PRRC2C: variants seen among roughly 807,000 people sequenced by gnomAD.
PRRC2C encodes the protein protein PRRC2C.
Under a neutral mutation model 317.2 loss-of-function variants are expected in PRRC2C, and 72 were observed. The observed-to-expected ratio is 0.23, with a 90% CI of 0.19 to 0.28. PRRC2C has a LOEUF of 0.28. Among genes scored for constraint, PRRC2C ranks in the 10% least tolerant of loss-of-function variants. The probability of loss-of-function intolerance (pLI) is 1.00; values close to 1 mark genes in which losing one functional copy is unlikely to be tolerated. For synonymous variants in PRRC2C, 1,296 were observed against 1,205.9 expected (o/e 1.07, Z -1.55); for missense variants, 3,074 against 3,459.7 (o/e 0.89, Z 2.80).
Position 171,540,664 on chromosome 1 carries a change from A to C in PRRC2C, c.3198A>C (p.Pro1066=), listed in dbSNP as rs1158848321. The C allele has an allele frequency of 3.7e-6, 6 of 1,613,714 alleles. No individual in the cohort carries two copies. In the South Asian group the frequency reaches 6.6e-5, roughly 18 times the overall value. The change falls in exon 16 of 35, where the codon CCA becomes CCC. Residue 1066 remains proline (P), a synonymous_variant. Transcript: ENST00000647382. ...EKKDLPPPPP[P]PQPPAPIQPQ... ...AGGATCTTCCTCCTCCCCCACCACC[A>C]CCTCAGCCACCAGCACCAATTCAGC...
chr1:171,527,889 CTTTTG>C (rs1674951830), intron 11 of PRRC2C, 45 bp downstream of exon 11: 4 of 1,501,024 alleles, frequency 2.7e-6, no homozygotes, highest in South Asian at 1.2e-5. Context: ...TTTATTTGAC[CTTTTG>C]TTTTGGTGGA....
chr1:171,525,822 A>T (rs2102369531), intron 10 of PRRC2C, among the ~76,000 whole-genome samples: 1 of 152,298 alleles, frequency 6.6e-6, no homozygotes, highest in South Asian at 2.1e-4. Flanking sequence ...GTGGAAACAC[A>T]TGTAGAGAAG....
At chr1:171,580,015 G>A (rs1201343412) in intron 28 of PRRC2C, 51 bp downstream of exon 28, 5 of 1,387,672 alleles carry the variant, frequency 3.6e-6, no homozygotes, top group Non-Finnish European at 3.8e-6. Context: ...CATTGTAACT[G>A]CTGATCCTCC....
In PRRC2C at chr1:171,522,248, T is replaced by C. The variant is rs368760802; in HGVS notation, c.822T>C (p.Ser274=). 34 of 1,574,286 alleles carry C rather than the reference T, an allele frequency of 2.2e-5. No homozygotes were observed. The South Asian group carries it at 3.7e-4, about 17-fold the overall frequency. Residue 274 remains serine (S), a synonymous_variant, in exon 7 of 35, where the codon TCT becomes TCC. Coordinates refer to ENST00000647382, the MANE Select transcript of PRRC2C (RefSeq NM_001387844.1). ...CCATGAGATTCCCACCTTCTTTATC[T>C]GAAACAAACAAGTAAGGCTATTAAA... ...HGPMRFPPSL[S]ETNKGLRGRG...
intron 2 of PRRC2C, 186 bp from the exon 3 acceptor site, chr1:171,512,809 T>C (rs1671628895): frequency 2.0e-6 from 1 of 505,846 alleles, no homozygotes; most frequent in Non-Finnish European, 3.3e-6. Context: ...TGCTGTTAAA[T>C]GGCTTGATTT....
At position 171,557,911 on chromosome 1, in the gene PRRC2C, G is replaced by T. The variant is rs771209660; in HGVS notation, c.5799G>T (p.Gln1933His). The T allele has an allele frequency of 3.6e-6, 5 of 1,395,256 alleles. No homozygotes were observed. Among genetic ancestry groups the T allele is most frequent in the Admixed American group, 2.2e-5 (1 of 44,518 alleles). 86.4% of individuals were successfully genotyped at this position (1,395,256 alleles called of 1,614,324 possible). A position where few individuals can be genotyped will look rare whatever the true frequency, so the allele number is the denominator to read the frequency against. The change falls in exon 19 of 35, where the codon CAG becomes CAT. Residue 1933 changes from glutamine (Q) to histidine (H), a missense_variant. By Grantham distance (24) the Gln-to-His change is conservative (BLOSUM62 0). This residue lies in a region of PRRC2C where 640 missense variants were observed against 676.1 expected (regional missense o/e 0.95). Coordinates refer to ENST00000647382, the MANE Select transcript of PRRC2C (RefSeq NM_001387844.1). ...APNPAPPAPA[Q>H]TQAQTHKPVQ... is the part of the protein sequence containing the mutation. ...ATCCTGCCCCACCTGCCCCAGCCCA[G>T]ACTCAGGCACAGACCCACAAACCAG...
At chr1:171,545,366 T>C in intron 16 of PRRC2C, 113 bp from the exon 17 acceptor site, 1 of 867,000 alleles carries the variant, frequency 1.2e-6, no homozygotes, top group Non-Finnish European at 1.7e-6. Context: ...GTTAAGAGTT[T>C]TCTATCCCAA....
chr1:171,552,532 T>C (rs1680472829), intron 18 of PRRC2C, among the ~76,000 whole-genome samples: 1 of 152,216 alleles, frequency 6.6e-6, no homozygotes, highest in Non-Finnish European at 1.5e-5. Flanking sequence ...GGCATCCCTG[T>C]CTTGTGCCAG....
At position 171,514,434 on chromosome 1, in the gene PRRC2C, C is replaced by T. The variant is rs1671954912; in HGVS notation, c.291-102C>T. The T allele has an allele frequency of 3.5e-6, 3 of 868,580 alleles. No homozygotes were observed. The African/African-American group carries it at 5.2e-5, about 15-fold the overall frequency. 53.8% of individuals were successfully genotyped at this position (868,580 alleles called of 1,614,324 possible). A position where few individuals can be genotyped will look rare whatever the true frequency, so the allele number is the denominator to read the frequency against. On this transcript the variant is annotated intron_variant, in intron 3 of 34. Transcript: ENST00000647382. ...TATTGGAGATTTACCAATGAATAAA[C>T]ATATAGCCAAAATAATTTGTACACA...
At chr1:171,496,223 T>G (rs1232044071) in intron 1 of PRRC2C, among the ~76,000 whole-genome samples, 10 of 131,052 alleles carry the variant, frequency 7.6e-5, no homozygotes, top group African/African-American at 1.1e-4. Flanking sequence ...TTTTTTTTTT[T>G]GCAGGGTCTC....
Position 171,541,247 on chromosome 1 carries a change from C to T in PRRC2C, c.3781C>T (p.Arg1261Ter), listed in dbSNP as rs1291362543. The T allele has an allele frequency of 5.0e-6, 8 of 1,613,660 alleles. No homozygotes were observed. The highest frequency in any genetic ancestry group is 4.0e-5 in the African/African-American group (3 of 74,858). The change falls in exon 16 of 35, where the codon CGA (arginine) becomes TGA (stop). Residue 1261 changes from arginine (R) to a stop codon, truncating the protein, a stop_gained. Transcript: ENST00000647382. LOFTEE classifies it high-confidence loss of function. The surrounding 1 kb of genome is among the most constrained non-coding windows in gnomAD (Gnocchi z 4.1). Reference protein sequence around the residue: ...SDFEVVPKRRRQRGSETDTDS... With the variant: ...SDFEVVPKRR ...TTTTGAAGTTGTCCCCAAAAGAAGA[C>T]GACAGCGGGGTTCAGAGACTGACAC...
intron 4 of PRRC2C, 57 bp downstream of exon 4, chr1:171,514,702 G>C: frequency 2.1e-6 from 3 of 1,397,486 alleles, no homozygotes; most frequent in Non-Finnish European, 3.0e-6. Context: ...GAACAGCCAT[G>C]CAGGAGATAA....
At position 171,588,277 on chromosome 1, in the gene PRRC2C, A is replaced by G. The variant is rs141445466; in HGVS notation, c.8073-102A>G. 41 of 1,318,404 alleles carry G rather than the reference A, an allele frequency of 3.1e-5. No individual in the cohort carries two copies. In the African/African-American group the frequency reaches 5.7e-4, roughly 18 times the overall value. 81.7% of individuals were successfully genotyped at this position (1,318,404 alleles called of 1,614,324 possible). Reference sequence around the variant, plus strand: ...TAATCATCATAGTAAATTTTTACCAACTACCAAGTATGATGAAAATACCAA... The same window carrying G: ...TAATCATCATAGTAAATTTTTACCAGCTACCAAGTATGATGAAAATACCAA... On this transcript the variant is annotated intron_variant, in intron 32 of 34. Coordinates refer to ENST00000647382, the MANE Select transcript of PRRC2C (RefSeq NM_001387844.1).
intron 9 of PRRC2C, among the ~76,000 whole-genome samples, chr1:171,524,491 A>G (rs570880334): frequency 1.2e-4 from 19 of 152,328 alleles, no homozygotes; most frequent in African/African-American, 4.6e-4. Context: ...ATAAATTAGA[A>G]TGCAGTTAAA....
At chr1:171,575,729 A>G (rs1685589561) in intron 25 of PRRC2C, among the ~76,000 whole-genome samples, 1 of 152,206 alleles carries the variant, frequency 6.6e-6, no homozygotes, top group African/African-American at 2.4e-5. Flanking sequence ...ACGGTTCTTA[A>G]AGAAACACAG....
chr1:171,589,653 C>T, intron 34 of PRRC2C, 48 bp downstream of exon 34: 1 of 1,236,738 alleles, frequency 8.1e-7, no homozygotes, highest in African/African-American at 1.5e-5. Context: ...GTCTCTGAAC[C>T]ATGTCTTAAA....
At chr1:171,492,738 T>TTTTATTTATGTATTTATTTA (rs1553200493) in intron 1 of PRRC2C, among the ~76,000 whole-genome samples, 2 of 144,356 alleles carry the variant, frequency 1.4e-5, no homozygotes, top group East Asian at 4.1e-4. Context: ...ATTTTTTTAA[T>TTTTATTTATGTATTTATTTA]TTTATTTATT....
intron 25 of PRRC2C, 69 bp downstream of exon 25, chr1:171,575,197 T>G (rs1685492002): frequency 5.1e-6 from 7 of 1,379,360 alleles, no homozygotes; most frequent in Non-Finnish European, 7.0e-6. Flanking sequence ...TCTCTTCTTG[T>G]TTACTATCTC....
chr1:171,495,234 T>G (rs977653799), intron 1 of PRRC2C, among the ~76,000 whole-genome samples: 1 of 152,246 alleles, frequency 6.6e-6, no homozygotes, highest in East Asian at 1.9e-4. Flanking sequence ...CTACTAGCTG[T>G]CACAGCTAGA....
Sources: gnomAD v4.1 joint callset for allele counts (sites outside exome capture counted in the v4.1 genomes callset) on GRCh38, gnomAD v4.1.1 for gene constraint, gnomAD v4.1.1 regional missense constraint, Gnocchi (gnomAD v3.1) non-coding constraint, MANE v1.5 for transcripts, NCBI Gene and HGNC (gene_info 2026-07-23, HGNC 2026-07-21) for gene names.